The following SLC38A1 variants were observed in gnomAD, a reference collection of about 807,000 sequenced individuals.
SLC38A1 encodes solute carrier family 38 member 1.
In SLC38A1, 18 loss-of-function variants were observed where a neutral mutation model predicts 60.3. That is an observed-to-expected ratio of 0.30 (90% CI 0.21 to 0.44). SLC38A1 has a LOEUF of 0.44. SLC38A1 is among the 20% of genes least tolerant of loss of function. The pLI is 1.00. For missense variants in SLC38A1, 448 were observed against 587.2 expected (o/e 0.76, Z 2.45); for synonymous variants, 196 against 212.1 (o/e 0.92, Z 0.66).
Position 46,207,610 on chromosome 12 carries a change from A to G in SLC38A1, c.400T>C (p.Tyr134His), listed in dbSNP as rs1316578110. Residue 134 changes from tyrosine (Y) to histidine (H), a missense_variant, in exon 7 of 17, where the codon TAT becomes CAT. Physicochemically the swap from Tyr to His is moderately conservative, Grantham distance 83. Transcript: ENST00000398637. The part of the protein sequence containing the change: ...ICSKETGCMV[Y>H]EKLGEQVFGT... ...AAGACTTGTTCCCCCAGCTTTTCAT[A>G]CACCATGCAGCCTATTTAAAAATCA... is the stretch of plus-strand genomic sequence containing the variant. 6.2e-6 allele frequency: 10 copies of G among 1,613,918 alleles called. No individual in the cohort carries two copies. Among genetic ancestry groups the G allele is most frequent in the Non-Finnish European group, 8.5e-6 (10 of 1,179,790 alleles).
rs961609979 is a variant in SLC38A1, at chr12:46,185,616, T to A, written c.*3354A>T. The A allele has an allele frequency of 6.6e-6, 1 of 152,048 alleles. No homozygotes were observed. The highest frequency in any genetic ancestry group is 1.5e-5 in the Non-Finnish European group (1 of 68,086). The allele number at this position is 152,048 out of a possible 1,614,324, so 9.4% of individuals were successfully genotyped here. On this transcript the variant is annotated 3_prime_UTR_variant, in exon 17 of 17. Coordinates refer to ENST00000398637, the MANE Select transcript of SLC38A1 (RefSeq NM_030674.4). ...ACATTGGAGAAGCTATGCAGCAGCA[T>A]CCTTTTCTGTGGTGGGCAGGGCAGG...
In SLC38A1 at chr12:46,184,161, C is replaced by G. The variant is rs1938859960; in HGVS notation, c.*4809G>C. The G allele has an allele frequency of 6.6e-6, 1 of 152,502 alleles. No homozygotes were observed. The highest frequency in any genetic ancestry group is 2.1e-4 in the South Asian group (1 of 4,834). 9.4% of individuals were successfully genotyped at this position (152,502 alleles called of 1,614,324 possible). On this transcript the variant is annotated 3_prime_UTR_variant, in exon 17 of 17. Coordinates refer to ENST00000398637, the MANE Select transcript of SLC38A1 (RefSeq NM_030674.4). Reference sequence around the variant, plus strand: ...AAGGAAAATGTCTGCACCTTGTGAACTTTACATATTTTGCAAGAACTTTCT... The same window carrying G: ...AAGGAAAATGTCTGCACCTTGTGAAGTTTACATATTTTGCAAGAACTTTCT...
intron 5 of SLC38A1, among the ~76,000 whole-genome samples, chr12:46,220,752 A>G (rs1165374949): frequency 6.6e-6 from 1 of 152,240 alleles, no homozygotes; most frequent in Non-Finnish European, 1.5e-5. Flanking sequence ...CCAAGTTTGT[A>G]TAAAGGTATG....
chr12:46,262,929 C>T (rs1942242284), intron 1 of SLC38A1, among the ~76,000 whole-genome samples: 1 of 152,110 alleles, frequency 6.6e-6, no homozygotes, highest in South Asian at 2.1e-4. Context: ...AATGGCTGCT[C>T]TCTCAAAGAC....
intron 3 of SLC38A1, among the ~76,000 whole-genome samples, chr12:46,235,303 C>T (rs1941221701): frequency 6.6e-6 from 1 of 152,122 alleles, no homozygotes; most frequent in Admixed American, 6.6e-5. Flanking sequence ...TATACTGTTT[C>T]CTCTGAGAAT....
At chr12:46,237,775 T>TTGGATTGCTTTGATAA (rs997622538) in intron 3 of SLC38A1, among the ~76,000 whole-genome samples, 1 of 151,840 alleles carries the variant, frequency 6.6e-6, no homozygotes, top group African/African-American at 2.4e-5. Flanking sequence ...CCCTTGAGGT[T>TTGGATTGCTTTGATAA]TGGATTGCTT....
intron 3 of SLC38A1, 29 bp from the exon 4 acceptor site, chr12:46,229,668 C>G: frequency 1.3e-6 from 2 of 1,570,942 alleles, no homozygotes; most frequent in Non-Finnish European, 1.8e-6. Context: ...TATATTTAAC[C>G]TTATGATAAT....
At chr12:46,259,213 T>C (rs1942125277) in intron 1 of SLC38A1, among the ~76,000 whole-genome samples, 1 of 152,240 alleles carries the variant, frequency 6.6e-6, no homozygotes, top group African/African-American at 2.4e-5. Context: ...ACAATGGTTC[T>C]ATAATTCCGG....
At position 46,217,209 on chromosome 12, in the gene SLC38A1, G is replaced by A. The variant is rs116159150; in HGVS notation, c.315-8082C>T. Among the ~76,000 whole-genome samples the A allele has an allele frequency of 4.5e-3, 689 of 152,206 alleles. 8 individuals carry two copies. The highest frequency in any genetic ancestry group is 0.016 in the African/African-American group (660 of 41,542). ...GATAAGGTAAATAAGGTAACAAGGA[G>A]GTTAAGTATTTTGTCTAAGGTCACA... is the stretch of plus-strand genomic sequence containing the variant. On this transcript the variant is annotated intron_variant, in intron 5 of 16. Transcript: ENST00000398637.
At chr12:46,257,605 G>A (rs1942073815) in intron 1 of SLC38A1, among the ~76,000 whole-genome samples, 1 of 151,984 alleles carries the variant, frequency 6.6e-6, no homozygotes, top group South Asian at 2.1e-4. Flanking sequence ...AATGTTACCA[G>A]ACCCCACCAC....
intron 3 of SLC38A1, 89 bp from the exon 4 acceptor site, chr12:46,229,728 T>C (rs1940998655): frequency 7.1e-6 from 8 of 1,129,918 alleles, no homozygotes; most frequent in Non-Finnish European, 9.3e-6. Context: ...CATCAAAACA[T>C]ACATGAACAG....
intron 6 of SLC38A1, among the ~76,000 whole-genome samples, chr12:46,208,251 G>T (rs1398182210): frequency 6.6e-6 from 1 of 152,178 alleles, no homozygotes; most frequent in African/African-American, 2.4e-5. Context: ...GAAAGTGTTC[G>T]ACTAGCTCAT....
chr12:46,260,362 C>A (rs774968944), intron 1 of SLC38A1, among the ~76,000 whole-genome samples: 1 of 152,164 alleles, frequency 6.6e-6, no homozygotes, highest in Non-Finnish European at 1.5e-5. Context: ...TCAGATCTTT[C>A]TTCCCAGTCT....
intron 3 of SLC38A1, among the ~76,000 whole-genome samples, chr12:46,232,094 C>T (rs1941098420): frequency 6.6e-6 from 1 of 152,208 alleles, no homozygotes; most frequent in South Asian, 2.1e-4. Flanking sequence ...CAAAGTTAGG[C>T]AATACACTTA....
intron 2 of SLC38A1, among the ~76,000 whole-genome samples, chr12:46,241,957 T>C (rs1941462484): frequency 6.6e-6 from 1 of 152,212 alleles, no homozygotes; most frequent in Non-Finnish European, 1.5e-5. Flanking sequence ...ACAAAAAATT[T>C]TCTGCGGTAA....
At chr12:46,197,371 G>T in intron 16 of SLC38A1, 1 of 177,094 alleles carries the variant, frequency 5.6e-6, no homozygotes, top group Admixed American at 6.4e-5. Flanking sequence ...AATTAGCCAG[G>T]CATGGTGGCG....
intron 1 of SLC38A1, among the ~76,000 whole-genome samples, chr12:46,259,177 C>T (rs557890816): frequency 2.6e-5 from 4 of 152,108 alleles, no homozygotes; most frequent in South Asian, 4.1e-4. Context: ...ATTTTTAAAG[C>T]GGAGAAAGTG....
At chr12:46,200,370 CATAT>C (rs559996976) in intron 13 of SLC38A1, among the ~76,000 whole-genome samples, 1 of 149,494 alleles carries the variant, frequency 6.7e-6, no homozygotes, top group East Asian at 2.0e-4. Context: ...GAAATACATA[CATAT>C]ATATATATAT....
intron 2 of SLC38A1, among the ~76,000 whole-genome samples, chr12:46,240,229 T>G (rs1187303548): frequency 5.3e-5 from 8 of 152,180 alleles, no homozygotes; most frequent in Admixed American, 5.2e-4. Context: ...GGAGTCTCGC[T>G]CTTGTTGCCC....
Sources: allele counts gnomAD v4.1 joint callset (sites outside exome capture counted in the v4.1 genomes callset), GRCh38; gene constraint gnomAD v4.1.1; transcripts MANE v1.5; gene names NCBI Gene and HGNC (gene_info 2026-07-23, HGNC 2026-07-21).